PRH2: variants seen among roughly 807,000 people sequenced by gnomAD.
PRH2 encodes the protein proline rich protein HaeIII subfamily 2, also known as salivary acidic proline-rich phosphoprotein 1/2.
A neutral mutation model predicts 22.6 loss-of-function variants in PRH2; 19 were observed. The observed-to-expected ratio is 0.84, with a 90% CI of 0.59 to 1.23. The LOEUF (loss-of-function observed/expected upper bound fraction) is 1.23, where lower values mean the gene tolerates loss of function less well. PRH2 is among the 50% of genes most tolerant of loss of function. PRH2 has a pLI of 0.00. For synonymous variants in PRH2, 45 were observed against 72.0 expected (o/e 0.63, Z 1.90); for missense variants, 109 against 203.0 (o/e 0.54, Z 2.81).
At position 10,930,844 on chromosome 12, in the gene PRH2, C is replaced by T. The variant is rs761653240; in HGVS notation, c.283C>T (p.Pro95Ser). ...TCCTCAGGGAAAGCCACAAGGACCA[C>T]CCCAACAGGGAGGCCATCCCCCTCC... ...PPPQGKPQGP[P>S]QQGGHPPPPQ... Residue 95 changes from proline to serine, a missense_variant, in exon 3 of 4, where the codon CCC becomes TCC. Physicochemically the swap from Pro to Ser is moderately conservative, Grantham distance 74. Around this residue, in one of 4 missense-constraint regions of PRH2, gnomAD observed 41 missense variants for 93.6 expected, o/e 0.44. Transcript: ENST00000396400. 3 of 1,613,686 alleles carry T rather than the reference C, an allele frequency of 1.9e-6. No homozygotes were observed. Among genetic ancestry groups the T allele is most frequent in the Non-Finnish European group, 2.5e-6 (3 of 1,179,728 alleles).
chr12:10,931,515 T>G (rs1428744591), intron 3 of PRH2, among the ~76,000 whole-genome samples: 7 of 152,208 alleles, frequency 4.6e-5, no homozygotes, highest in Non-Finnish European at 1.0e-4. Context: ...TGGTATCTCA[T>G]TTTTTAAAAC....
intron 1 of PRH2, 118 bp from the exon 2 acceptor site, chr12:10,930,151 T>C (rs1019386992): frequency 2.5e-6 from 3 of 1,198,230 alleles, no homozygotes; most frequent in African/African-American, 3.0e-5. Flanking sequence ...GAGTGGCTGA[T>C]GAGATCTCAA....
At chr12:10,930,382 A>G in intron 2 of PRH2, 78 bp downstream of exon 2, 2 of 1,551,536 alleles carry the variant, frequency 1.3e-6, no homozygotes, top group Non-Finnish European at 1.8e-6. Context: ...GTGTCTTCTT[A>G]TCATCCTTGT....
rs1950169008 is a variant in PRH2 at position 10,929,356 on chromosome 12, A to C, written c.64+19A>C. 6.2e-7 allele frequency: 1 copy of C among 1,614,092 alleles called. No individual in the cohort carries two copies. Among genetic ancestry groups the C allele is most frequent in the Non-Finnish European group, 8.5e-7 (1 of 1,180,018 alleles). On this transcript the variant is annotated intron_variant, in intron 1 of 3. Coordinates refer to ENST00000396400, the MANE Select transcript of PRH2 (RefSeq NM_001110213.1). ...GATGAAGGTAAGCCGAATTGGGGGA[A>C]GATATTGTGACTCTGATTGGGGTTT...
At chr12:10,931,265 C>A in intron 3 of PRH2, 185 bp downstream of exon 3, 2 of 1,280,820 alleles carry the variant, frequency 1.6e-6, no homozygotes, top group Non-Finnish European at 2.1e-6. Flanking sequence ...CTCTTGAAGG[C>A]AATTCCAATT....
rs1314462312 is a variant in PRH2, at chr12:10,933,065, T to C, written c.*858T>C. Among the ~76,000 whole-genome samples the C allele has an allele frequency of 6.6e-6, 1 of 151,980 alleles. No individual in the cohort carries two copies. Among genetic ancestry groups the C allele is most frequent in the Non-Finnish European group, 1.5e-5 (1 of 67,936 alleles). On this transcript the variant is annotated 3_prime_UTR_variant, in exon 4 of 4. Transcript: ENST00000396400. Reference sequence around the variant, plus strand: ...CAGTAATAACTTCTTGAAAATCCAATAAAATTGGCAAAAGATTGTGAAAAT... The same window carrying C: ...CAGTAATAACTTCTTGAAAATCCAACAAAATTGGCAAAAGATTGTGAAAAT...
chr12:10,929,359 T>G, intron 1 of PRH2, 22 bp downstream of exon 1: 1 of 1,613,902 alleles, frequency 6.2e-7, no homozygotes, highest in East Asian at 2.2e-5. Context: ...TGGGGGAAGA[T>G]ATTGTGACTC....
intron 1 of PRH2, among the ~76,000 whole-genome samples, chr12:10,929,788 T>C (rs781681411): frequency 2.0e-5 from 3 of 152,176 alleles, no homozygotes; most frequent in African/African-American, 7.2e-5. Context: ...TCTGTCTACA[T>C]AGAGTTAGAG....
chr12:10,930,233 A>C (rs779918786), intron 1 of PRH2, 36 bp from the exon 2 acceptor site: 9 of 1,606,404 alleles, frequency 5.6e-6, no homozygotes, highest in Admixed American at 5.0e-5. Flanking sequence ...TGATTCATGC[A>C]GTAACTTTTC....
At chr12:10,932,089 T>C in intron 3 of PRH2, 137 bp from the exon 4 acceptor site, 1 of 264,958 alleles carries the variant, frequency 3.8e-6, no homozygotes. Context: ...AAGAAAATGA[T>C]ATTAAGGAGG....
At chr12:10,931,864 C>G (rs1349689309) in intron 3 of PRH2, among the ~76,000 whole-genome samples, 1 of 151,428 alleles carries the variant, frequency 6.6e-6, no homozygotes, top group East Asian at 1.9e-4. Context: ...TTGGTTTTTC[C>G]ATAATTTACT....
chr12:10,932,103 G>T (rs758200201), intron 3 of PRH2, 123 bp from the exon 4 acceptor site: 6 of 284,964 alleles, frequency 2.1e-5, no homozygotes, highest in Non-Finnish European at 3.9e-5. Flanking sequence ...AAGGAGGGGG[G>T]CTGTAGAAGG....
chr12:10,931,004 G>A lies in PRH2; in HGVS notation c.443G>A (p.Gly148Glu), dbSNP rs1950202176. 3 of 1,595,188 alleles carry A rather than the reference G, an allele frequency of 1.9e-6. No homozygotes were observed. Among genetic ancestry groups the A allele is most frequent in the Non-Finnish European group, 2.6e-6 (3 of 1,171,548 alleles). The change falls in exon 3 of 4, where the codon GGA becomes GAA. Residue 148 changes from glycine (G) to glutamate (E), a missense_variant. Physicochemically the swap from Gly to Glu is moderately conservative, Grantham distance 98. Coordinates refer to ENST00000396400, the MANE Select transcript of PRH2 (RefSeq NM_001110213.1). ...CCACCTCCTCCTGGAAAGCCCCAGG[G>A]ACCACCTCCCCAAGGGGGCCGCCCA... ...PPPPPPGKPQ[G>E]PPPQGGRPQG...
intron 1 of PRH2, 65 bp from the exon 2 acceptor site, chr12:10,930,204 G>C: frequency 6.4e-7 from 1 of 1,560,944 alleles, no homozygotes. Context: ...TATCCTCGTA[G>C]AACACTATGA....
intron 2 of PRH2, 113 bp downstream of exon 2, chr12:10,930,417 C>A: frequency 6.7e-7 from 1 of 1,487,242 alleles, no homozygotes; most frequent in Non-Finnish European, 9.3e-7. Flanking sequence ...TATCAGTGCC[C>A]CAGAGATATA....
At position 10,933,701 on chromosome 12, in the gene PRH2, C is replaced by T. The variant is rs1282517359; in HGVS notation, c.*1494C>T. On this transcript the variant is annotated 3_prime_UTR_variant, in exon 4 of 4. Coordinates refer to ENST00000396400, the MANE Select transcript of PRH2 (RefSeq NM_001110213.1). ...CTTGTAAAATACTTTTTTGATTAGC[C>T]TTCTGACCATGATTAAAATGGTGTA... Among the ~76,000 whole-genome samples the T allele has an allele frequency of 5.9e-5, 9 of 151,774 alleles. No homozygotes were observed. Among genetic ancestry groups the T allele is most frequent in the Admixed American group, 5.2e-4 (8 of 15,250 alleles).
chr12:10,932,136 T>C (rs1040080457), intron 3 of PRH2, 90 bp from the exon 4 acceptor site: 1 of 362,948 alleles, frequency 2.8e-6, no homozygotes, highest in African/African-American at 2.0e-5. Flanking sequence ...AAGGATGGTT[T>C]TGCATCTTCC....
At position 10,929,317 on chromosome 12, in the gene PRH2, C is replaced by G. The variant is rs1950168018; in HGVS notation, c.44C>G (p.Ser15Ter). 2 of 1,613,972 alleles carry G rather than the reference C, an allele frequency of 1.2e-6. No homozygotes were observed. The highest frequency in any genetic ancestry group is 1.7e-5 in the Admixed American group (1 of 59,988). The change falls in exon 1 of 4, where the codon TCA becomes TGA. Residue 15 changes from serine to a stop codon, truncating the protein, a stop_gained. Coordinates refer to ENST00000396400, the MANE Select transcript of PRH2 (RefSeq NM_001110213.1). LOFTEE classifies it high-confidence loss of function. ...TCAGTGGCCCTGCTGGCCTTCAGCT[C>G]AGCTCAGGACTTAGATGAAGGTAAG... ...LLSVALLAFSSAQDLDEDVSQ... is the reference protein window; with the variant it reads ...LLSVALLAFS
At chr12:10,931,254 T>C (rs1950208702) in intron 3 of PRH2, 174 bp downstream of exon 3, 5 of 1,376,478 alleles carry the variant, frequency 3.6e-6, no homozygotes, top group African/African-American at 2.9e-5. Context: ...TTTTAAACAA[T>C]CTCTTGAAGG....
Sources: gnomAD v4.1 joint callset for allele counts (sites outside exome capture counted in the v4.1 genomes callset) on GRCh38, gnomAD v4.1.1 for gene constraint, gnomAD v4.1.1 regional missense constraint, MANE v1.5 for transcripts, NCBI Gene and HGNC (gene_info 2026-07-23, HGNC 2026-07-21) for gene names.